MCF2L: variants seen among roughly 807,000 people sequenced by gnomAD.
MCF2L encodes MCF.2 cell line derived transforming sequence like.
MCF2L carries 97 observed loss-of-function variants against 153.4 expected under a neutral mutation model. That is an observed-to-expected ratio of 0.63 (90% CI 0.54 to 0.75). MCF2L has a LOEUF of 0.75. Ranked by LOEUF, MCF2L falls within the 30% of genes least tolerant of loss-of-function variation. The pLI, the probability that MCF2L is intolerant of heterozygous loss-of-function variation, is 0.00. For synonymous variants in MCF2L, 659 were observed against 632.2 expected, an observed-to-expected ratio of 1.04 and a Z score of -0.64; for missense variants, 1,347 against 1,495.2, an observed-to-expected ratio of 0.90 and a Z score of 1.64.
At position 113,046,460 on chromosome 13, in the gene MCF2L, T is replaced by C. The variant is rs2086819560; in HGVS notation, c.369+1099T>C. ...AGTGAAGTCAGATTCTCCTGGCCTT[T>C]CCTGGGTCCCGCGTTCAGACTACCT... On this transcript the variant is annotated intron_variant, in intron 4 of 29. Transcript: ENST00000535094. The surrounding 1 kb of genome is among the most constrained non-coding windows in gnomAD (Gnocchi z 4.4). The C allele has an allele frequency of 8.2e-6, 4 of 489,918 alleles. No individual in the cohort carries two copies. The highest frequency in any genetic ancestry group is 6.8e-5 in the Admixed American group (3 of 43,874). 30.3% of individuals were successfully genotyped at this position (489,918 alleles called of 1,614,324 possible).
At chr13:112,919,301 G>T (rs1190365182) in intron 2 of MCF2L, among the ~76,000 whole-genome samples, 2 of 146,462 alleles carry the variant, frequency 1.4e-5, no homozygotes, top group Non-Finnish European at 3.0e-5. Context: ...CGCCTCCCGG[G>T]TTCACGCCAT....
intron 4 of MCF2L, among the ~76,000 whole-genome samples, chr13:113,059,886 C>A (rs963396967): frequency 4.6e-5 from 7 of 152,254 alleles, no homozygotes; most frequent in African/African-American, 1.7e-4. Context: ...GTAACACACA[C>A]ATGTGTCTAT....
intron 15 of MCF2L, among the ~76,000 whole-genome samples, chr13:113,080,004 T>G: frequency 1.6e-5 from 1 of 63,708 alleles, no homozygotes. Context: ...CAGAGGAGAG[T>G]CCATACGGAA....
rs193016380 is a variant in MCF2L at position 112,983,645 on chromosome 13, C to A, written c.79+14187C>A. On this transcript the variant is annotated intron_variant, in intron 1 of 29. Coordinates refer to ENST00000535094, the MANE Select transcript of MCF2L (RefSeq NM_001112732.3). The surrounding 1 kb of genome is among the most constrained non-coding windows in gnomAD (Gnocchi z 4.0). ...TACAGCTCTGTCCCCTGCCTTATCT[C>A]GCTGGCTCTGCCCTTGGTCATCAGG... is the stretch of plus-strand genomic sequence containing the variant. 1.3e-5 allele frequency among the ~76,000 whole-genome samples: 2 copies of A among 152,220 alleles called. No individual in the cohort carries two copies. Among genetic ancestry groups the A allele is most frequent in the African/African-American group, 4.8e-5 (2 of 41,464 alleles).
chr13:112,928,009 G>A lies in MCF2L; in HGVS notation c.169+25638G>A, dbSNP rs564419525. Among the ~76,000 whole-genome samples, 32 of 152,344 alleles carry A rather than the reference G, an allele frequency of 2.1e-4. 1 individual carries two copies. Among genetic ancestry groups the A allele is most frequent in the African/African-American group, 6.3e-4 (26 of 41,582 alleles). The stretch of plus-strand genomic sequence containing the variant: ...CACAGAGAAAAATAACAGGAGAAAC[G>A]TTAACACTGGCTAGATATTTAATTC... On this transcript the variant is annotated intron_variant, in intron 2 of 29. Transcript: ENST00000375608.
At chr13:112,955,504 C>T (rs1481540771) in intron 2 of MCF2L, among the ~76,000 whole-genome samples, 1 of 152,196 alleles carries the variant, frequency 6.6e-6, no homozygotes, top group Admixed American at 6.5e-5. Context: ...CAATTATATG[C>T]ATTTAATCCT....
chr13:112,945,236 C>T (rs767635190), intron 2 of MCF2L, among the ~76,000 whole-genome samples: 7 of 152,106 alleles, frequency 4.6e-5, no homozygotes, highest in Admixed American at 1.3e-4. Flanking sequence ...TGACATTATG[C>T]ACTTCTCAAG....
At chr13:112,937,709 G>T (rs1409576190) in intron 2 of MCF2L, among the ~76,000 whole-genome samples, 1 of 152,146 alleles carries the variant, frequency 6.6e-6, no homozygotes, top group Non-Finnish European at 1.5e-5. Context: ...GGGTGATGCA[G>T]CTGAGCCCTG....
intron 2 of MCF2L, among the ~76,000 whole-genome samples, chr13:112,911,066 C>G (rs929314584): frequency 3.3e-5 from 5 of 152,212 alleles, no homozygotes; most frequent in African/African-American, 1.2e-4. Flanking sequence ...TGGCCGCTCC[C>G]CGGCGTCAGC....
chr13:113,091,296 CTCGTGGGTCTTTATGCT>C, intron 26 of MCF2L: 1 of 1,046,374 alleles, frequency 9.6e-7, no homozygotes, highest in Non-Finnish European at 1.3e-6. Flanking sequence ...GGGGGATGCT[CTCGTGGGTCTTTATGCT>C]GCGGAGGCAG....
chr13:112,918,948 C>T (rs1018320606), intron 2 of MCF2L, among the ~76,000 whole-genome samples: 1 of 152,128 alleles, frequency 6.6e-6, no homozygotes, highest in Non-Finnish European at 1.5e-5. Context: ...CCCTGCGCTT[C>T]CCCGACGCGC....
intron 13 of MCF2L, among the ~76,000 whole-genome samples, 163 bp downstream of exon 13, chr13:113,077,374 C>T (rs1385991812): frequency 2.0e-5 from 3 of 152,256 alleles, no homozygotes; most frequent in Non-Finnish European, 4.4e-5. Flanking sequence ...GGCCGGTTCC[C>T]GCCACCCCTC....
In MCF2L at chr13:113,076,113, G is replaced by A. The variant is rs765411448; in HGVS notation, c.1456G>A (p.Ala486Thr). 1.7e-5 allele frequency: 28 copies of A among 1,613,834 alleles called. No individual in the cohort carries two copies. Among genetic ancestry groups the A allele is most frequent in the African/African-American group, 5.3e-5 (4 of 74,902 alleles). Residue 486 changes from alanine to threonine, a missense_variant, in exon 12 of 30, where the codon GCG becomes ACG. Transcript: ENST00000535094. ...GAENKIQELNAIYKEYESILN... is the reference protein window; with the variant it reads ...GAENKIQELNTIYKEYESILN... ...GGAAAATAAGATCCAGGAGCTCAAC[G>A]CGATTTACAAGGAATACGAATCCAT...
intron 2 of MCF2L, among the ~76,000 whole-genome samples, chr13:112,926,369 T>G: frequency 6.6e-6 from 1 of 151,916 alleles, no homozygotes; most frequent in South Asian, 2.1e-4. Flanking sequence ...CGGCCTGGTC[T>G]ACATACACAG....
rs896661490 is a variant in MCF2L at position 113,081,114 on chromosome 13, C to A, written c.1809-99C>A. The stretch of plus-strand genomic sequence containing the variant: ...TCGCCGCCAGTCCCCTCCTGCTGGG[C>A]AGGCCATCATTCTAGGTGGCACCTG... On this transcript the variant is annotated intron_variant, in intron 15 of 29. Coordinates refer to ENST00000535094, the MANE Select transcript of MCF2L (RefSeq NM_001112732.3). 8.0e-6 allele frequency: 8 copies of A among 1,003,262 alleles called. No homozygotes were observed. The African/African-American group carries it at 1.2e-4, about 14-fold the overall frequency. The allele number at this position is 1,003,262 out of a possible 1,614,324, so 62.1% of individuals were successfully genotyped here. A position where few individuals can be genotyped will look rare whatever the true frequency, so the allele number is the denominator to read the frequency against.
chr13:112,969,595 C>G lies in MCF2L; in HGVS notation c.79+137C>G. ...CGTGGTAGCTGTGACATGGGGGGCA[C>G]TGGTTGGCAGCTGGTGTGTTTTCAG... is the stretch of plus-strand genomic sequence containing the variant. On this transcript the variant is annotated intron_variant, in intron 1 of 29. Transcript: ENST00000535094. The surrounding 1 kb of genome is among the most constrained non-coding windows in gnomAD (Gnocchi z 4.8). The G allele has an allele frequency of 6.9e-7, 1 of 1,450,798 alleles. No homozygotes were observed. The highest frequency in any genetic ancestry group is 9.3e-7 in the Non-Finnish European group (1 of 1,078,642). The allele number at this position is 1,450,798 out of a possible 1,614,324, so 89.9% of individuals were successfully genotyped here.
intron 1 of MCF2L, chr13:112,979,345 G>C: frequency 7.9e-7 from 1 of 1,271,930 alleles, no homozygotes; most frequent in Non-Finnish European, 9.9e-7. Flanking sequence ...CCCAGCGGCT[G>C]GGTTTCTCTA....
At chr13:113,084,552 TAGA>T in intron 18 of MCF2L, 1 of 376,820 alleles carries the variant, frequency 2.7e-6, no homozygotes, top group Non-Finnish European at 4.8e-6. Flanking sequence ...GAGAAAATGC[TAGA>T]AGTTCTATTA....
chr13:113,009,081 C>T (rs999895450), intron 1 of MCF2L: 5 of 152,296 alleles, frequency 3.3e-5, no homozygotes, highest in Admixed American at 2.0e-4. Flanking sequence ...GCCCGAGGCG[C>T]AAACTGTCTC....
Sources: allele counts gnomAD v4.1 joint callset (sites outside exome capture counted in the v4.1 genomes callset), GRCh38; gene constraint gnomAD v4.1.1; non-coding constraint Gnocchi (gnomAD v3.1); transcripts MANE v1.5; gene names NCBI Gene and HGNC (gene_info 2026-07-23, HGNC 2026-07-21).